THSD7B: variants seen among roughly 807,000 people sequenced by gnomAD.
THSD7B encodes the protein thrombospondin type-1 domain-containing protein 7B.
Under a neutral mutation model 213.6 loss-of-function variants are expected in THSD7B, and 138 were observed. That is an observed-to-expected ratio of 0.65 (90% confidence interval 0.56 to 0.74). THSD7B has a LOEUF of 0.74. Among genes scored for constraint, THSD7B ranks in the 30% least tolerant of loss-of-function variants. The pLI is 0.00. For synonymous variants in THSD7B, 742 were observed against 687.0 expected (o/e 1.08, Z -1.25); for missense variants, 1,931 against 1,991.5 (o/e 0.97, Z 0.58).
Position 136,940,863 on chromosome 2 carries a change from G to GT in THSD7B, c.139+58560dup, listed in dbSNP as rs34409932. ...AGAAAATTTTCTTCCATTCTTAGTT[G>GT]TTTTTTTTTTTTTTAAAGTTCTAGG... On this transcript the variant is annotated intron_variant, in intron 2 of 27. Transcript: ENST00000409968. 4.0e-3 allele frequency among the ~76,000 whole-genome samples: 522 copies of GT among 132,076 alleles called. 1 individual carries two copies. The highest frequency in any genetic ancestry group is 9.2e-3 in the African/African-American group (337 of 36,618). The allele number at this position is 132,076 out of a possible 152,430, so 86.6% of individuals were successfully genotyped here.
intron 12 of THSD7B, among the ~76,000 whole-genome samples, chr2:137,341,274 G>A (rs12328249): frequency 0.03 from 4,529 of 151,016 alleles, 223 homozygotes; most frequent in African/African-American, 0.1. Flanking sequence ...CATATCCCTT[G>A]CCCATTTTTT....
chr2:137,537,517 C>A (rs1680529403), intron 15 of THSD7B, among the ~76,000 whole-genome samples: 1 of 151,648 alleles, frequency 6.6e-6, no homozygotes, highest in African/African-American at 2.4e-5. Context: ...TTGCAAACAA[C>A]CATCATTTAT....
intron 20 of THSD7B, among the ~76,000 whole-genome samples, chr2:137,622,872 G>A (rs963815426): frequency 3.4e-4 from 52 of 152,102 alleles, no homozygotes; most frequent in African/African-American, 1.2e-3. Context: ...AGGACCAGAT[G>A]GATTCACAGC....
At chr2:137,165,762 T>TAG (rs1680116639) in intron 6 of THSD7B, among the ~76,000 whole-genome samples, 1 of 149,672 alleles carries the variant, frequency 6.7e-6, no homozygotes, top group Admixed American at 6.7e-5. Flanking sequence ...TCTTAAAAAA[T>TAG]ACACACACAC....
chr2:137,463,187 G>T (rs1474100181), intron 15 of THSD7B, among the ~76,000 whole-genome samples: 4 of 152,126 alleles, frequency 2.6e-5, no homozygotes, highest in African/African-American at 9.7e-5. Context: ...CACAAATCTA[G>T]AGACAGCAAG....
chr2:137,242,611 C>A (rs777297002), intron 10 of THSD7B, 39 bp downstream of exon 10: 2 of 1,494,438 alleles, frequency 1.3e-6, no homozygotes, highest in Non-Finnish European at 1.9e-6. Context: ...TCTTCCCTAA[C>A]CTGATTGTTT....
chr2:137,424,211 A>T (rs902111985), intron 14 of THSD7B, among the ~76,000 whole-genome samples: 1 of 152,124 alleles, frequency 6.6e-6, no homozygotes, highest in East Asian at 1.9e-4. Context: ...AAAAAATTAT[A>T]AAAAAACTTA....
intron 12 of THSD7B, among the ~76,000 whole-genome samples, chr2:137,391,686 CAA>C (rs757793857): frequency 0.018 from 1,938 of 108,156 alleles, 32 homozygotes; most frequent in African/African-American, 0.062. Flanking sequence ...CATTCGGTCT[CAA>C]AAAAAAAAAA....
intron 3 of THSD7B, among the ~76,000 whole-genome samples, chr2:137,093,977 A>G (rs1687996304): frequency 6.6e-6 from 1 of 152,170 alleles, no homozygotes; most frequent in South Asian, 2.1e-4. Flanking sequence ...CATTTTGCCT[A>G]TCAGGAAATT....
intron 9 of THSD7B, among the ~76,000 whole-genome samples, chr2:137,240,572 A>G (rs1029426161): frequency 1.3e-5 from 2 of 151,824 alleles, no homozygotes; most frequent in Non-Finnish European, 2.9e-5. Flanking sequence ...GTGCAGGGGT[A>G]TGATCATAGC....
At chr2:137,602,443 G>A (rs1445554762) in intron 17 of THSD7B, among the ~76,000 whole-genome samples, 2 of 151,884 alleles carry the variant, frequency 1.3e-5, no homozygotes, top group East Asian at 3.9e-4. Context: ...CTAATTTTTT[G>A]TATTTTAGTA....
At position 137,671,026 on chromosome 2, in the gene THSD7B, T is replaced by A. The variant is rs561124866; in HGVS notation, c.4739+3165T>A. Among the ~76,000 whole-genome samples, 19 of 152,100 alleles carry A rather than the reference T, an allele frequency of 1.2e-4. No homozygotes were observed. The East Asian group carries it at 3.1e-3, about 25-fold the overall frequency. The stretch of plus-strand genomic sequence containing the variant: ...TACATCTACCTTTCAGATAAGTCAC[T>A]CTTATCACTGCTTTAGTCTTTCTTT... On this transcript the variant is annotated intron_variant, in intron 27 of 27. Transcript: ENST00000409968.
chr2:137,252,266 C>CAA (rs1182130976), intron 10 of THSD7B, among the ~76,000 whole-genome samples: 2,889 of 59,238 alleles, frequency 0.049, 445 homozygotes, highest in African/African-American at 0.12. Context: ...GACTCTGTCT[C>CAA]AAAAAAAAAA....
chr2:137,399,019 C>T (rs13412145), intron 12 of THSD7B, among the ~76,000 whole-genome samples: 30,598 of 152,040 alleles, frequency 0.2, 3,350 homozygotes, highest in South Asian at 0.27. Flanking sequence ...CGCCCTGCTT[C>T]GGCTCGCGCA....
intron 15 of THSD7B, among the ~76,000 whole-genome samples, chr2:137,496,500 CAAAT>C (rs916088910): frequency 2.0e-5 from 3 of 152,166 alleles, no homozygotes; most frequent in African/African-American, 7.2e-5. Flanking sequence ...TTTAGACTCT[CAAAT>C]GTATAGCCAG....
chr2:137,364,764 T>C (rs1685364755), intron 12 of THSD7B, among the ~76,000 whole-genome samples: 3 of 152,156 alleles, frequency 2.0e-5, no homozygotes, highest in Admixed American at 2.0e-4. Context: ...TGAAAAAACA[T>C]TCCATGCTCA....
chr2:136,833,087 T>C (rs1682781499), intron 1 of THSD7B, among the ~76,000 whole-genome samples: 1 of 152,042 alleles, frequency 6.6e-6, no homozygotes, highest in South Asian at 2.1e-4. Flanking sequence ...GGGAATTGGC[T>C]GGGTGTGGTG....
chr2:137,361,253 A>AT (rs558041538), intron 12 of THSD7B, among the ~76,000 whole-genome samples: 30 of 152,338 alleles, frequency 2.0e-4, no homozygotes, highest in African/African-American at 6.3e-4. Flanking sequence ...CCAAAGGTAG[A>AT]TAAAACCACA....
intron 12 of THSD7B, among the ~76,000 whole-genome samples, chr2:137,315,243 G>A (rs10427267): frequency 0.058 from 8,908 of 152,292 alleles, 349 homozygotes; most frequent in East Asian, 0.098. Flanking sequence ...GAAAAGCGCA[G>A]TATTCGGGTG....
Sources: gnomAD v4.1 joint callset for allele counts (sites outside exome capture counted in the v4.1 genomes callset) on GRCh38, gnomAD v4.1.1 for gene constraint, MANE v1.5 for transcripts, NCBI Gene and HGNC (gene_info 2026-07-23, HGNC 2026-07-21) for gene names.